The following VPS13A variants were observed in gnomAD, a reference collection of about 807,000 sequenced individuals.
VPS13A encodes the protein vacuolar protein sorting 13 homolog A.
VPS13A carries 264 observed loss-of-function variants against 390.9 expected under a neutral mutation model. The ratio of observed to expected loss-of-function variants is 0.68; its 90% CI spans 0.61 to 0.75. The LOEUF is 0.75. VPS13A is among the 30% of genes least tolerant of loss of function. VPS13A has a pLI of 0.00. For synonymous variants in VPS13A, 1,231 were observed against 1,227.1 expected, an observed-to-expected ratio of 1.00 and a Z score of -0.07; for missense variants, 3,409 against 3,733.9, an observed-to-expected ratio of 0.91 and a Z score of 2.27.
Position 77,318,521 on chromosome 9 carries a change from A to C in VPS13A, c.5243A>C (p.Lys1748Thr). ...GHRTVPMLLA[K>T]SRFSGEGKNW... ...AGAACAGTACCTATGCTTCTGGCAA[A>C]GTCACGTTTTTCAGGGGAAGGCAAA... is the stretch of plus-strand genomic sequence containing the variant. The change falls in exon 41 of 72, where the codon AAG becomes ACG. Residue 1748 changes from lysine (K) to threonine (T), a missense_variant. Transcript: ENST00000360280. 1 of 1,614,010 alleles carries C rather than the reference A, an allele frequency of 6.2e-7. No individual in the cohort carries two copies. The highest frequency in any genetic ancestry group is 8.5e-7 in the Non-Finnish European group (1 of 1,179,930).
intron 50 of VPS13A, among the ~76,000 whole-genome samples, chr9:77,343,778 G>T (rs1015084758): frequency 1.3e-5 from 2 of 152,114 alleles, no homozygotes. Context: ...ACCTGATTTT[G>T]ATTTTTAGTA....
At position 77,323,050 on chromosome 9, in the gene VPS13A, ATACT is replaced by A. The variant is rs754992028; in HGVS notation, c.5831-10_5831-7del. The A allele has an allele frequency of 2.7e-5, 43 of 1,590,066 alleles. No homozygotes were observed. Among genetic ancestry groups the A allele is most frequent in the Middle Eastern group, 3.3e-4 (2 of 6,018 alleles). ...TGAATTATAATAAAAACTTTTAAAC[ATACT>A]TACTTAATTTAGCACCTGTTAACCA... On this transcript the variant is annotated splice_polypyrimidine_tract_variant and intron_variant, in intron 44 of 71. Coordinates refer to ENST00000360280, the MANE Select transcript of VPS13A (RefSeq NM_033305.3).
chr9:77,271,063 A>G (rs772829169), intron 23 of VPS13A, among the ~76,000 whole-genome samples: 28 of 152,244 alleles, frequency 1.8e-4, no homozygotes, highest in African/African-American at 6.0e-4. Flanking sequence ...TTGTTAAAAA[A>G]GGTGAAAAGG....
intron 68 of VPS13A, among the ~76,000 whole-genome samples, chr9:77,385,880 CTACTT>C (rs550897128): frequency 0.026 from 4,022 of 151,788 alleles, 77 homozygotes; most frequent in Non-Finnish European, 0.037. Flanking sequence ...TTGAAAGTGA[CTACTT>C]TAAATTTGAA....
At position 77,323,061 on chromosome 9, in the gene VPS13A, AT is replaced by A. The variant is rs765053636; in HGVS notation, c.5831-3del. The A allele has an allele frequency of 1.1e-5, 18 of 1,606,656 alleles. No individual in the cohort carries two copies. The highest frequency in any genetic ancestry group is 1.7e-4 in the Middle Eastern group (1 of 6,060). ...AAAAACTTTTAAACATACTTACTTA[AT>A]TTAGCACCTGTTAACCATTCTACTG... On this transcript the variant is annotated splice_polypyrimidine_tract_variant and splice_region_variant and intron_variant, in intron 44 of 71. Coordinates refer to ENST00000360280, the MANE Select transcript of VPS13A (RefSeq NM_033305.3).
chr9:77,315,513 T>G, intron 38 of VPS13A, 43 bp downstream of exon 38: 1 of 1,569,890 alleles, frequency 6.4e-7, no homozygotes, highest in Non-Finnish European at 8.8e-7. Context: ...TTTATTGAAG[T>G]GCTACAACAG....
chr9:77,404,990 CT>C lies in VPS13A; in HGVS notation c.9276-863del, dbSNP rs796595000. On this transcript the variant is annotated intron_variant, in intron 69 of 71. Transcript: ENST00000360280. ...TTTCCATCCTAGCCAGGAGTCAGAC[CT>C]TTTTTTTTTTAACTCAATCTAATAC... Among the ~76,000 whole-genome samples the C allele has an allele frequency of 1.3e-3, 195 of 146,316 alleles. 1 individual carries two copies. Among genetic ancestry groups the C allele is most frequent in the Admixed American group, 2.3e-3 (33 of 14,536 alleles).
intron 67 of VPS13A, among the ~76,000 whole-genome samples, chr9:77,371,578 AG>A (rs1282117511): frequency 6.6e-6 from 1 of 152,186 alleles, no homozygotes; most frequent in African/African-American, 2.4e-5. Context: ...ATGCTCTTGG[AG>A]GGACACATTC....
chr9:77,230,817 C>G (rs139790998), intron 17 of VPS13A, among the ~76,000 whole-genome samples: 1 of 152,040 alleles, frequency 6.6e-6, no homozygotes, highest in Non-Finnish European at 1.5e-5. Flanking sequence ...GTGTACTGAA[C>G]AAATTATTCA....
At chr9:77,386,713 A>AT (rs1267179835) in intron 68 of VPS13A, among the ~76,000 whole-genome samples, 3,296 of 139,582 alleles carry the variant, frequency 0.024, 83 homozygotes, top group African/African-American at 0.064. Flanking sequence ...TTTTTTTTTA[A>AT]TTTTTTTTTT....
chr9:77,371,029 C>T lies in VPS13A; in HGVS notation c.8957C>T (p.Ala2986Val). The T allele has an allele frequency of 6.2e-7, 1 of 1,614,014 alleles. No homozygotes were observed. ...AAAAACTCTTTTTTCTTTCCAGGAG[C>T]TCAAAAAGGAGGAGCAGCTGGTTTC... ...TGIVTKPIKG[A>V]QKGGAAGFFK... Residue 2986 changes from alanine to valine, a missense_variant, in exon 67 of 72, where the codon GCT (alanine) becomes GTT (valine). Transcript: ENST00000360280.
chr9:77,334,511 A>T (rs1830440701), intron 46 of VPS13A, among the ~76,000 whole-genome samples: 1 of 152,120 alleles, frequency 6.6e-6, no homozygotes, highest in African/African-American at 2.4e-5. Context: ...TTTTTGGGAA[A>T]ATTGTCACTT....
chr9:77,182,390 G>T (rs192315957), intron 1 of VPS13A, among the ~76,000 whole-genome samples: 4 of 152,128 alleles, frequency 2.6e-5, no homozygotes, highest in Admixed American at 2.0e-4. Flanking sequence ...CACTGCGTCC[G>T]GCCATTTCAC....
At chr9:77,401,328 GTTGTGTGT>G (rs1834383134) in intron 68 of VPS13A, among the ~76,000 whole-genome samples, 3 of 95,226 alleles carry the variant, frequency 3.2e-5, no homozygotes, top group South Asian at 7.7e-4. Context: ...ATCACATGAA[GTTGTGTGT>G]GTGTGTGTGT....
At chr9:77,272,855 A>T (rs892119210) in intron 23 of VPS13A, among the ~76,000 whole-genome samples, 1 of 152,138 alleles carries the variant, frequency 6.6e-6, no homozygotes, top group Non-Finnish European at 1.5e-5. Context: ...GTTTTTATAT[A>T]TGCTGTATTT....
chr9:77,187,658 A>G (rs1824423593), intron 1 of VPS13A, among the ~76,000 whole-genome samples: 1 of 152,042 alleles, frequency 6.6e-6, no homozygotes, highest in Non-Finnish European at 1.5e-5. Flanking sequence ...TATCAGATAT[A>G]TGATTTGCAA....
chr9:77,262,465 G>A (rs557849606), intron 23 of VPS13A, among the ~76,000 whole-genome samples: 3 of 152,018 alleles, frequency 2.0e-5, no homozygotes, highest in Non-Finnish European at 2.9e-5. Context: ...TTAAGTTCTG[G>A]GATACATGTG....
In VPS13A at chr9:77,331,989, T is replaced by G. The variant is rs199772643; in HGVS notation, c.5992-21T>G. ...ATTCTTAGATTAATGATACTAAATATTATTTGTTTTTCTTTCCCAGATAAG... is the reference window on the plus strand; with the variant it reads ...ATTCTTAGATTAATGATACTAAATAGTATTTGTTTTTCTTTCCCAGATAAG... On this transcript the variant is annotated intron_variant, in intron 45 of 71. Transcript: ENST00000360280. 133 of 1,499,062 alleles carry G rather than the reference T, an allele frequency of 8.9e-5. No homozygotes were observed. The African/African-American group carries it at 1.6e-3, about 18-fold the overall frequency. 92.9% of individuals were successfully genotyped at this position (1,499,062 alleles called of 1,614,324 possible).
At chr9:77,298,602 T>G (rs1378766679) in intron 33 of VPS13A, among the ~76,000 whole-genome samples, 1 of 152,120 alleles carries the variant, frequency 6.6e-6, no homozygotes, top group African/African-American at 2.4e-5. Context: ...AAAACTGAAT[T>G]TTTTGCCAAG....
Sources: allele counts gnomAD v4.1 joint callset (sites outside exome capture counted in the v4.1 genomes callset), GRCh38; gene constraint gnomAD v4.1.1; transcripts MANE v1.5; gene names NCBI Gene and HGNC (gene_info 2026-07-23, HGNC 2026-07-21).